ANTXR2: variants seen among roughly 807,000 people sequenced by gnomAD.
The protein encoded by ANTXR2 is ANTXR cell adhesion molecule 2.
ANTXR2 carries 44 observed loss-of-function variants against 73.7 expected under a neutral mutation model. The observed-to-expected ratio is 0.60, with a 90% CI of 0.47 to 0.77. The LOEUF (loss-of-function observed/expected upper bound fraction) is 0.77. Among genes scored for constraint, ANTXR2 ranks in the 30% least tolerant of loss-of-function variants. The pLI is 0.00. For synonymous variants in ANTXR2, 217 were observed against 205.9 expected, an observed-to-expected ratio of 1.05 and a Z score of -0.46; for missense variants, 604 against 592.5, an observed-to-expected ratio of 1.02 and a Z score of -0.20.
chr4:79,936,569 T>C (rs1362038939), intron 16 of ANTXR2, among the ~76,000 whole-genome samples: 1 of 152,044 alleles, frequency 6.6e-6, no homozygotes, highest in African/African-American at 2.4e-5. Context: ...TTAGGTATAA[T>C]TCCTGATGGG....
chr4:79,954,788 G>A (rs190061278), intron 16 of ANTXR2, among the ~76,000 whole-genome samples: 66 of 152,268 alleles, frequency 4.3e-4, no homozygotes, highest in African/African-American at 1.6e-3. Context: ...GGAGGGCAGA[G>A]GCCAGAGGTC....
intron 12 of ANTXR2, among the ~76,000 whole-genome samples, chr4:79,990,391 A>AAAAAC (rs1300377971): frequency 6.6e-6 from 1 of 150,570 alleles, no homozygotes; most frequent in East Asian, 1.9e-4. Flanking sequence ...TACAAAAAAA[A>AAAAAC]AAAAAAAAAA....
intron 16 of ANTXR2, among the ~76,000 whole-genome samples, chr4:79,931,449 TTC>T (rs142694925): frequency 0.34 from 45,161 of 133,672 alleles, 8,349 homozygotes; most frequent in Non-Finnish European, 0.43. Flanking sequence ...TCCTCGCTTC[TTC>T]TCTCTCTCTC....
At chr4:79,994,589 TCCTGA>T (rs33947244) in intron 12 of ANTXR2, among the ~76,000 whole-genome samples, 114,815 of 151,658 alleles carry the variant, frequency 0.76, 43,712 homozygotes, top group East Asian at 0.94. Context: ...ACCCTGTTCC[TCCTGA>T]GAATTACATC....
chr4:79,909,064 G>A (rs1219046802), intron 16 of ANTXR2, among the ~76,000 whole-genome samples: 1 of 152,076 alleles, frequency 6.6e-6, no homozygotes, highest in African/African-American at 2.4e-5. Flanking sequence ...TATTCAATGA[G>A]AAATAGATTT....
intron 16 of ANTXR2, among the ~76,000 whole-genome samples, chr4:79,929,309 T>C (rs1484708556): frequency 6.6e-6 from 1 of 152,086 alleles, no homozygotes; most frequent in Non-Finnish European, 1.5e-5. Context: ...GGTCAGGAGT[T>C]CAAGACCAGC....
chr4:79,920,106 T>C (rs1187143777), intron 16 of ANTXR2, among the ~76,000 whole-genome samples: 1 of 151,696 alleles, frequency 6.6e-6, no homozygotes, highest in Non-Finnish European at 1.5e-5. Context: ...TTCCTAGCTC[T>C]GCCTGCTGGA....
intron 16 of ANTXR2, among the ~76,000 whole-genome samples, chr4:79,950,329 C>T (rs1728659623): frequency 6.6e-6 from 1 of 152,052 alleles, no homozygotes; most frequent in Non-Finnish European, 1.5e-5. Flanking sequence ...ACCCTCATCT[C>T]TTAGTTATTA....
chr4:80,025,047 G>GT (rs1387588580), intron 10 of ANTXR2, among the ~76,000 whole-genome samples: 2 of 152,104 alleles, frequency 1.3e-5, no homozygotes, highest in Non-Finnish European at 2.9e-5. Flanking sequence ...ATTAAAATAT[G>GT]TTTTTTCAAA....
chr4:79,988,348 G>A (rs1197296291), intron 12 of ANTXR2, among the ~76,000 whole-genome samples: 1 of 148,006 alleles, frequency 6.8e-6, no homozygotes, highest in East Asian at 1.9e-4. Flanking sequence ...AAGAGGGGTT[G>A]CAATTCTTAT....
chr4:80,024,057 T>C (rs1486663084), intron 10 of ANTXR2, among the ~76,000 whole-genome samples: 1 of 152,086 alleles, frequency 6.6e-6, no homozygotes, highest in South Asian at 2.1e-4. Flanking sequence ...AGTACCAAAG[T>C]AGAATTGAAC....
At chr4:79,955,803 A>T (rs1298394937) in intron 16 of ANTXR2, among the ~76,000 whole-genome samples, 2 of 152,074 alleles carry the variant, frequency 1.3e-5, no homozygotes, top group Non-Finnish European at 2.9e-5. Flanking sequence ...AACTCCCCTG[A>T]CTCCCAATGC....
intron 16 of ANTXR2, among the ~76,000 whole-genome samples, chr4:79,925,972 A>T (rs530857258): frequency 6.6e-6 from 1 of 152,232 alleles, no homozygotes; most frequent in East Asian, 1.9e-4. Flanking sequence ...AACAAAGTGG[A>T]CTCAGAAAAT....
intron 14 of ANTXR2, among the ~76,000 whole-genome samples, chr4:79,982,170 T>C (rs1278433276): frequency 6.6e-6 from 1 of 152,188 alleles, no homozygotes; most frequent in Non-Finnish European, 1.5e-5. Flanking sequence ...GCTCACATAC[T>C]AATATCCTTA....
intron 10 of ANTXR2, among the ~76,000 whole-genome samples, chr4:80,019,939 G>C (rs1428066953): frequency 1.3e-5 from 2 of 152,096 alleles, no homozygotes; most frequent in African/African-American, 4.8e-5. Flanking sequence ...TTAGCCTAGA[G>C]TTAGTAATTT....
At chr4:79,985,838 C>CTTTTTT (rs572381265) in intron 12 of ANTXR2, among the ~76,000 whole-genome samples, 8 of 111,668 alleles carry the variant, frequency 7.2e-5, no homozygotes, top group African/African-American at 9.8e-5. Context: ...ACAGTTAATT[C>CTTTTTT]TTTTTTTTTT....
intron 11 of ANTXR2, among the ~76,000 whole-genome samples, chr4:80,010,387 T>G (rs1345189014): frequency 1.3e-5 from 2 of 152,226 alleles, no homozygotes; most frequent in Admixed American, 6.5e-5. Flanking sequence ...TATGGTCTTA[T>G]GTAAGACAGC....
At chr4:80,032,746 T>A (rs1339594931) in intron 9 of ANTXR2, among the ~76,000 whole-genome samples, 2 of 151,978 alleles carry the variant, frequency 1.3e-5, no homozygotes, top group South Asian at 4.1e-4. Flanking sequence ...AACATTTATA[T>A]AGATACTCAA....
chr4:80,037,917 A>T (rs781068409), intron 7 of ANTXR2, among the ~76,000 whole-genome samples: 5 of 152,082 alleles, frequency 3.3e-5, no homozygotes, highest in Non-Finnish European at 5.9e-5. Flanking sequence ...AAACCCCCAA[A>T]TCTATTTTGT....
Sources: gnomAD v4.1 joint callset for allele counts (sites outside exome capture counted in the v4.1 genomes callset) on GRCh38, gnomAD v4.1.1 for gene constraint, MANE v1.5 for transcripts, NCBI Gene and HGNC (gene_info 2026-07-23, HGNC 2026-07-21) for gene names.